Variants in NEBL observed in about 807,000 individuals in gnomAD.
NEBL encodes LIM and SH3 protein 2.
Under a neutral mutation model 140.2 loss-of-function variants are expected in NEBL, and 122 were observed. The observed-to-expected ratio is 0.87, with a 90% CI of 0.75 to 1.01. The LOEUF is 1.01. NEBL is among the 50% of genes least tolerant of loss of function. NEBL has a pLI of 0.00. For synonymous variants in NEBL, 436 were observed against 398.9 expected, an observed-to-expected ratio of 1.09 and a Z score of -1.11; for missense variants, 1,365 against 1,231.3, an observed-to-expected ratio of 1.11 and a Z score of -1.62.
chr10:20,915,227 T>C (rs1195070704), intron 4 of NEBL, among the ~76,000 whole-genome samples: 1 of 152,156 alleles, frequency 6.6e-6, no homozygotes, highest in East Asian at 1.9e-4. Flanking sequence ...CATTTATATA[T>C]GCAAGGAACC....
At chr10:21,078,502 G>T (rs563043619) in intron 2 of NEBL, among the ~76,000 whole-genome samples, 51 of 151,972 alleles carry the variant, frequency 3.4e-4, no homozygotes, top group Non-Finnish European at 5.9e-4. Context: ...TTGTCATCCT[G>T]AGTTTCACTC....
chr10:21,057,959 A>C (rs767628089), intron 2 of NEBL, among the ~76,000 whole-genome samples: 3 of 152,096 alleles, frequency 2.0e-5, no homozygotes, highest in Non-Finnish European at 4.4e-5. Context: ...ACACCAGCTT[A>C]CTCCACCATC....
chr10:20,879,175 C>A (rs969628035), intron 5 of NEBL, among the ~76,000 whole-genome samples: 4 of 152,178 alleles, frequency 2.6e-5, no homozygotes, highest in Non-Finnish European at 5.9e-5. Context: ...TGACAGTAAC[C>A]TTTAAGGTGG....
At chr10:21,190,305 C>T (rs1841550408) in intron 3 of NEBL, among the ~76,000 whole-genome samples, 1 of 149,976 alleles carries the variant, frequency 6.7e-6, no homozygotes, top group Non-Finnish European at 1.5e-5. Context: ...TATAACAAGA[C>T]CCTGTGCCTA....
Position 21,016,468 on chromosome 10 carries a change from A to T in NEBL, c.249+3649T>A, listed in dbSNP as rs1838561144. On this transcript the variant is annotated intron_variant, in intron 3 of 6. Transcript: ENST00000417816. ...GGGGGGAAATAAAAAGAAAAGAGAA[A>T]ATTTTTTAAAGAAAGAGATAACAGT... Among the ~76,000 whole-genome samples, 3 of 152,318 alleles carry T rather than the reference A, an allele frequency of 2.0e-5. No homozygotes were observed. The South Asian group carries it at 6.2e-4, about 32-fold the overall frequency.
At chr10:21,145,640 G>T (rs1215670005) in intron 2 of NEBL, among the ~76,000 whole-genome samples, 1 of 152,156 alleles carries the variant, frequency 6.6e-6, no homozygotes, top group Admixed American at 6.5e-5. Flanking sequence ...ACTCTGTAAG[G>T]ATGAGGAAAT....
intron 26 of NEBL, among the ~76,000 whole-genome samples, chr10:20,793,913 T>A (rs1024537023): frequency 2.0e-5 from 3 of 152,216 alleles, no homozygotes; most frequent in Non-Finnish European, 4.4e-5. Flanking sequence ...CTGGCGGGCT[T>A]CATTCACCCC....
intron 3 of NEBL, among the ~76,000 whole-genome samples, chr10:21,223,420 T>G (rs11813348): frequency 0.28 from 42,774 of 152,170 alleles, 10,862 homozygotes; most frequent in African/African-American, 0.68. Flanking sequence ...ATTGTATATA[T>G]GTACCACATT....
At position 21,120,413 on chromosome 10, in the gene NEBL, TA is replaced by T. The variant is rs1564518115; in HGVS notation, c.164+51969del. On this transcript the variant is annotated intron_variant, in intron 2 of 6. Transcript: ENST00000417816. ...AAATACATATATATATATATATATA[TA>T]TATATATATAAATTTGATCACTGGT... is the stretch of plus-strand genomic sequence containing the variant. Among the ~76,000 whole-genome samples the T allele has an allele frequency of 7.4e-4, 95 of 128,210 alleles. 6 individuals carry two copies. The highest frequency in any genetic ancestry group is 2.2e-3 in the African/African-American group (67 of 31,008). The allele number at this position is 128,210 out of a possible 152,430, so 84.1% of individuals were successfully genotyped here. A position where few individuals can be genotyped will look rare whatever the true frequency, so the allele number is the denominator to read the frequency against.
upstream of NEBL, among the ~76,000 whole-genome samples, chr10:20,902,054 C>T (rs966626579): frequency 5.3e-5 from 8 of 151,992 alleles, no homozygotes; most frequent in East Asian, 1.9e-4. Flanking sequence ...AATCAGAAAT[C>T]GAAAGAACAC....
intron 2 of NEBL, among the ~76,000 whole-genome samples, chr10:21,079,059 T>A (rs1444017024): frequency 6.6e-6 from 1 of 152,194 alleles, no homozygotes. Flanking sequence ...GCAAATGCCC[T>A]CCTCTTAGGA....
At chr10:21,021,870 T>C (rs1238396859) in intron 2 of NEBL, among the ~76,000 whole-genome samples, 4 of 152,130 alleles carry the variant, frequency 2.6e-5, no homozygotes, top group African/African-American at 9.7e-5. Context: ...CCTCAGTAAA[T>C]ACTTGTGGAC....
At chr10:20,821,597 T>C (rs1271082710) in intron 19 of NEBL, among the ~76,000 whole-genome samples, 1 of 152,234 alleles carries the variant, frequency 6.6e-6, no homozygotes, top group African/African-American at 2.4e-5. Flanking sequence ...ATTTCTACCA[T>C]CAATTGAAAA....
intron 2 of NEBL, among the ~76,000 whole-genome samples, chr10:21,085,785 T>C (rs1468135452): frequency 6.6e-6 from 1 of 152,086 alleles, no homozygotes; most frequent in East Asian, 1.9e-4. Flanking sequence ...ACTATGAAAA[T>C]ATATATAAAT....
intron 4 of NEBL, among the ~76,000 whole-genome samples, chr10:20,946,933 T>C (rs1835194878): frequency 6.6e-6 from 1 of 152,070 alleles, no homozygotes; most frequent in Admixed American, 6.6e-5. Context: ...CCCATACAAG[T>C]GCCAGGAGGC....
chr10:21,215,319 A>G (rs1841975370), intron 3 of NEBL, among the ~76,000 whole-genome samples: 1 of 152,126 alleles, frequency 6.6e-6, no homozygotes, highest in Non-Finnish European at 1.5e-5. Context: ...TTTTAAAAAG[A>G]GTTTTTAAAA....
intron 3 of NEBL, among the ~76,000 whole-genome samples, chr10:21,192,170 C>G (rs1465979122): frequency 6.6e-6 from 1 of 151,882 alleles, no homozygotes; most frequent in Non-Finnish European, 1.5e-5. Context: ...CACTCATTCC[C>G]TCTCCTAATT....
At chr10:21,027,349 A>T (rs1418174569) in intron 2 of NEBL, among the ~76,000 whole-genome samples, 3 of 149,246 alleles carry the variant, frequency 2.0e-5, no homozygotes, top group Non-Finnish European at 3.0e-5. Flanking sequence ...TAATTTTCAG[A>T]TAGAGTCTCA....
At chr10:21,271,153 T>C (rs563397132) in intron 1 of NEBL, among the ~76,000 whole-genome samples, 3 of 152,282 alleles carry the variant, frequency 2.0e-5, no homozygotes, top group African/African-American at 7.2e-5. Context: ...ATATATACAA[T>C]GGAATATTAT....
Sources: allele counts gnomAD v4.1 joint callset (sites outside exome capture counted in the v4.1 genomes callset), GRCh38; gene constraint gnomAD v4.1.1; transcripts MANE v1.5; gene names NCBI Gene and HGNC (gene_info 2026-07-23, HGNC 2026-07-21).